The following TMEM131 variants were observed in gnomAD, a reference collection of about 807,000 sequenced individuals.
TMEM131 encodes transmembrane protein 131, also known as 2610524E03Rik.
In TMEM131, 66 loss-of-function variants were observed where a neutral mutation model predicts 211.6. The observed-to-expected ratio is 0.31, with a 90% CI of 0.26 to 0.38. TMEM131 has a LOEUF of 0.38. Among genes scored for constraint, TMEM131 ranks in the 10% least tolerant of loss-of-function variants. TMEM131 has a pLI of 1.00. For synonymous variants in TMEM131, 844 were observed against 841.3 expected (o/e 1.00, Z -0.06); for missense variants, 2,036 against 2,299.3 (o/e 0.89, Z 2.34).
chr2:97,908,605 A>T, intron 3 of TMEM131, 53 bp downstream of exon 3: 6 of 1,338,540 alleles, frequency 4.5e-6, no homozygotes, highest in Non-Finnish European at 6.3e-6. Context: ...GAACCACAGG[A>T]ATCCCCCAGA....
At chr2:97,824,141 G>T (rs1337942206) in intron 11 of TMEM131, among the ~76,000 whole-genome samples, 2 of 152,168 alleles carry the variant, frequency 1.3e-5, no homozygotes, top group African/African-American at 2.4e-5. Context: ...AAAAAAGATT[G>T]TCCAATGAAA....
intron 1 of TMEM131, among the ~76,000 whole-genome samples, chr2:97,952,480 T>C (rs778992728): frequency 6.6e-6 from 1 of 152,152 alleles, no homozygotes; most frequent in Non-Finnish European, 1.5e-5. Context: ...TTACCTATAC[T>C]AGAACACCAA....
chr2:97,952,128 G>T (rs1678348870), intron 1 of TMEM131, among the ~76,000 whole-genome samples: 1 of 151,280 alleles, frequency 6.6e-6, no homozygotes, highest in African/African-American at 2.4e-5. Context: ...CTGCACTCCA[G>T]CCTGGGTGAC....
At chr2:97,792,108 T>C (rs1187724544) in intron 31 of TMEM131, among the ~76,000 whole-genome samples, 1 of 152,172 alleles carries the variant, frequency 6.6e-6, no homozygotes, top group East Asian at 1.9e-4. Flanking sequence ...GCTAAATCTA[T>C]CACAATAACA....
intron 1 of TMEM131, among the ~76,000 whole-genome samples, chr2:97,980,595 T>A (rs778967661): frequency 1.4e-4 from 21 of 152,184 alleles, no homozygotes; most frequent in African/African-American, 5.1e-4. Context: ...ATAAAATACA[T>A]GTGCATACAA....
intron 1 of TMEM131, among the ~76,000 whole-genome samples, chr2:97,959,634 T>C (rs977906603): frequency 1.3e-5 from 2 of 152,024 alleles, no homozygotes; most frequent in African/African-American, 4.8e-5. Context: ...CACTTCCCAG[T>C]AAATACTTTC....
intron 1 of TMEM131, among the ~76,000 whole-genome samples, chr2:97,961,056 C>T (rs1678791700): frequency 6.6e-6 from 1 of 151,572 alleles, no homozygotes; most frequent in Admixed American, 6.6e-5. Context: ...AAACTTACAA[C>T]TGACATCGTA....
intron 30 of TMEM131, 199 bp from the exon 31 acceptor site, chr2:97,793,183 TA>T: frequency 1.6e-6 from 1 of 644,410 alleles, no homozygotes. Flanking sequence ...GTGATCTAAC[TA>T]AAAGTATTTT....
chr2:97,962,467 G>A lies in TMEM131; in HGVS notation c.187+33009C>T, dbSNP rs370782694. Among the ~76,000 whole-genome samples, 36 of 152,274 alleles carry A rather than the reference G, an allele frequency of 2.4e-4. 1 individual carries two copies. The highest frequency in any genetic ancestry group is 8.2e-4 in the African/African-American group (34 of 41,556). The stretch of plus-strand genomic sequence containing the variant: ...TGCAGTGAGCTGAGATAGCGCCACT[G>A]CACTCCAGCCTGGGCAACAGAGTGA... On this transcript the variant is annotated intron_variant, in intron 1 of 40. Coordinates refer to ENST00000186436, the MANE Select transcript of TMEM131 (RefSeq NM_015348.2).
chr2:97,791,404 T>C (rs113796702), intron 31 of TMEM131, among the ~76,000 whole-genome samples: 1 of 152,242 alleles, frequency 6.6e-6, no homozygotes, highest in African/African-American at 2.4e-5. Context: ...TGCTTCCTCC[T>C]TGCCCTCTTG....
intron 28 of TMEM131, among the ~76,000 whole-genome samples, chr2:97,795,751 T>C (rs1340838987): frequency 6.6e-6 from 1 of 152,188 alleles, no homozygotes; most frequent in Non-Finnish European, 1.5e-5. Context: ...AGTTATCAAT[T>C]AATTGTTAAA....
At chr2:97,815,155 TGATTAGTAAAAA>T in intron 13 of TMEM131, 32 bp downstream of exon 13, 2 of 1,087,752 alleles carry the variant, frequency 1.8e-6, no homozygotes, top group Non-Finnish European at 2.6e-6. Flanking sequence ...TATAATTTAC[TGATTAGTAAAAA>T]GTAATAGAAT....
intron 2 of TMEM131, among the ~76,000 whole-genome samples, chr2:97,923,832 G>A (rs1037645467): frequency 2.6e-5 from 4 of 151,966 alleles, no homozygotes; most frequent in Admixed American, 2.0e-4. Context: ...CCTAATCCCC[G>A]CACTTGGGGA....
At chr2:97,895,111 T>G (rs556672062) in intron 3 of TMEM131, among the ~76,000 whole-genome samples, 1 of 152,354 alleles carries the variant, frequency 6.6e-6, no homozygotes, top group East Asian at 1.9e-4. Context: ...AGGCCTTTTC[T>G]GCATCTATTG....
intron 1 of TMEM131, among the ~76,000 whole-genome samples, chr2:97,987,956 A>G (rs1035590684): frequency 6.6e-6 from 1 of 152,234 alleles, no homozygotes; most frequent in Non-Finnish European, 1.5e-5. Flanking sequence ...AGAAAAGTGC[A>G]TCCTAAAATT....
At chr2:97,879,245 G>C (rs1170539430) in intron 4 of TMEM131, among the ~76,000 whole-genome samples, 2 of 152,070 alleles carry the variant, frequency 1.3e-5, no homozygotes, top group Non-Finnish European at 2.9e-5. Flanking sequence ...CCGGCAGTGA[G>C]AGAGAATAAG....
chr2:97,804,298 A>G (rs1573386122), intron 22 of TMEM131, among the ~76,000 whole-genome samples: 1 of 152,072 alleles, frequency 6.6e-6, no homozygotes, highest in Admixed American at 6.6e-5. Flanking sequence ...CACATTTCCT[A>G]CCTGCCAAAG....
At chr2:97,854,033 C>G (rs1673739798) in intron 5 of TMEM131, among the ~76,000 whole-genome samples, 2 of 152,198 alleles carry the variant, frequency 1.3e-5, no homozygotes, top group African/African-American at 2.4e-5. Context: ...TGCTATTAAA[C>G]AGCATTGCAC....
chr2:97,948,170 A>G (rs1678132150), intron 1 of TMEM131, among the ~76,000 whole-genome samples: 1 of 152,176 alleles, frequency 6.6e-6, no homozygotes, highest in Non-Finnish European at 1.5e-5. Context: ...ATCTTGAACT[A>G]TAAAAGAAAA....
Sources: allele counts gnomAD v4.1 joint callset (sites outside exome capture counted in the v4.1 genomes callset), GRCh38; gene constraint gnomAD v4.1.1; transcripts MANE v1.5; gene names NCBI Gene and HGNC (gene_info 2026-07-23, HGNC 2026-07-21).